The following MICAL2 variants were observed in gnomAD, a reference collection of about 807,000 sequenced individuals.
MICAL2 encodes the protein [F-actin]-monooxygenase MICAL2.
MICAL2 carries 77 observed loss-of-function variants against 127.3 expected under a neutral mutation model. The observed-to-expected ratio is 0.60, with a 90% CI of 0.50 to 0.73. MICAL2 has a LOEUF of 0.73. Ranked by LOEUF, MICAL2 falls within the 30% of genes least tolerant of loss-of-function variation. The probability of loss-of-function intolerance (pLI) is 0.00; values close to 1 mark genes in which losing one functional copy is unlikely to be tolerated. For synonymous variants in MICAL2, 570 were observed against 551.1 expected, an observed-to-expected ratio of 1.03 and a Z score of -0.48; for missense variants, 1,351 against 1,434.4, an observed-to-expected ratio of 0.94 and a Z score of 0.94.
chr11:12,150,880 C>T (rs7943405), intron 2 of MICAL2, among the ~76,000 whole-genome samples: 140,895 of 152,228 alleles, frequency 0.93, 65,715 homozygotes, highest in Non-Finnish European at 0.98. Flanking sequence ...ATTTCTGCCT[C>T]GGTTTGGTTT....
chr11:12,114,326 G>A (rs1294980403), intron 1 of MICAL2, among the ~76,000 whole-genome samples: 3 of 152,296 alleles, frequency 2.0e-5, no homozygotes, highest in Middle Eastern at 3.4e-3. Flanking sequence ...ACTACTGCAC[G>A]TAACAGAATT....
upstream of MICAL2, among the ~76,000 whole-genome samples, chr11:12,272,165 G>A (rs1363984784): frequency 6.6e-6 from 1 of 152,176 alleles, no homozygotes; most frequent in East Asian, 1.9e-4. Context: ...GAGGCGTGGG[G>A]GCTGTGGGTC....
chr11:12,303,706 A>G (rs1049184754), intron 29 of MICAL2: 3 of 152,214 alleles, frequency 2.0e-5, no homozygotes, highest in Admixed American at 6.5e-5. Flanking sequence ...TCTTTTGCCC[A>G]TACTTTTATT....
chr11:12,293,744 G>C (rs1223347813), downstream of MICAL2: 2 of 1,613,948 alleles, frequency 1.2e-6, no homozygotes, highest in Admixed American at 1.7e-5. Flanking sequence ...TGGCCTCTCA[G>C]ACCCTGCAGA....
chr11:12,165,582 C>T (rs1045442882), intron 3 of MICAL2, among the ~76,000 whole-genome samples: 4 of 152,342 alleles, frequency 2.6e-5, no homozygotes, highest in African/African-American at 4.8e-5. Context: ...GCCAGAACCC[C>T]GACCTTTGTG....
chr11:12,241,623 C>T (rs1247777790), intron 18 of MICAL2, among the ~76,000 whole-genome samples: 5 of 152,200 alleles, frequency 3.3e-5, no homozygotes, highest in South Asian at 4.1e-4. Context: ...ACCTGCATAG[C>T]GGGCGGGAAG....
At chr11:12,341,202 A>G (rs1347344650) in intron 32 of MICAL2, among the ~76,000 whole-genome samples, 2 of 152,198 alleles carry the variant, frequency 1.3e-5, no homozygotes, top group African/African-American at 2.4e-5. Context: ...GCACAGTGCT[A>G]TTGAGAGTTC....
chr11:12,127,593 C>G (rs6485494), intron 1 of MICAL2, among the ~76,000 whole-genome samples: 48,806 of 151,938 alleles, frequency 0.32, 8,170 homozygotes, highest in African/African-American at 0.4. Flanking sequence ...GAAGGTTTCA[C>G]TGACTCACCC....
At chr11:12,121,271 G>T (rs1356593234) in intron 1 of MICAL2, among the ~76,000 whole-genome samples, 3 of 152,196 alleles carry the variant, frequency 2.0e-5, no homozygotes, top group African/African-American at 7.2e-5. Flanking sequence ...AATTTGAGGG[G>T]AATAAATAGG....
chr11:12,235,837 A>G (rs1858973659), intron 15 of MICAL2, among the ~76,000 whole-genome samples: 2 of 152,174 alleles, frequency 1.3e-5, no homozygotes, highest in Non-Finnish European at 2.9e-5. Flanking sequence ...GCCACTTTGC[A>G]ATGGAGATCA....
intron 1 of MICAL2, among the ~76,000 whole-genome samples, chr11:12,119,492 C>G (rs1233649357): frequency 6.6e-6 from 1 of 152,170 alleles, no homozygotes; most frequent in Non-Finnish European, 1.5e-5. Context: ...GTTGTAATCT[C>G]TAAAAAAGGT....
At chr11:12,355,527 C>A (rs770632137) in intron 34 of MICAL2, among the ~76,000 whole-genome samples, 24 of 152,204 alleles carry the variant, frequency 1.6e-4, no homozygotes, top group Non-Finnish European at 2.6e-4. Context: ...CATGACCTTC[C>A]CATATTCAGA....
At chr11:12,285,519 C>T (rs755514514) in intron 2 of MICAL2, among the ~76,000 whole-genome samples, 36 of 152,142 alleles carry the variant, frequency 2.4e-4, no homozygotes, top group Non-Finnish European at 4.6e-4. Context: ...GTTCAGCCTA[C>T]GCCCAGGAAT....
At chr11:12,221,792 G>T (rs373116020) in intron 10 of MICAL2, 33 bp downstream of exon 10, 3 of 1,573,298 alleles carry the variant, frequency 1.9e-6, no homozygotes, top group African/African-American at 2.7e-5. Flanking sequence ...CTAACTGGGG[G>T]GCAGGGCACT....
intron 32 of MICAL2, among the ~76,000 whole-genome samples, chr11:12,340,215 C>T (rs1019709624): frequency 6.6e-6 from 1 of 152,102 alleles, no homozygotes; most frequent in Non-Finnish European, 1.5e-5. Flanking sequence ...AAGAAATAGG[C>T]AAACAACCCA....
intron 2 of MICAL2, among the ~76,000 whole-genome samples, chr11:12,143,538 C>A (rs559792594): frequency 6.6e-6 from 1 of 152,042 alleles, no homozygotes; most frequent in Non-Finnish European, 1.5e-5. Flanking sequence ...AGTTTGTGTC[C>A]GTTTTCTGCA....
intron 22 of MICAL2, among the ~76,000 whole-genome samples, chr11:12,252,063 G>T (rs889978239): frequency 6.6e-6 from 1 of 152,160 alleles, no homozygotes; most frequent in Non-Finnish European, 1.5e-5. Flanking sequence ...AAGGGGCTGG[G>T]CAGGCAGTGC....
chr11:12,343,100 A>G (rs375140748), intron 32 of MICAL2, among the ~76,000 whole-genome samples: 1 of 152,118 alleles, frequency 6.6e-6, no homozygotes, highest in Non-Finnish European at 1.5e-5. Flanking sequence ...GCTTTTGACT[A>G]CTGAAGAAAG....
chr11:12,179,555 A>G (rs1000130210), intron 3 of MICAL2, among the ~76,000 whole-genome samples: 1 of 151,918 alleles, frequency 6.6e-6, no homozygotes, highest in Non-Finnish European at 1.5e-5. Flanking sequence ...ATCCTTAGCC[A>G]ATGCCTGCCT....
Sources: allele counts gnomAD v4.1 joint callset (sites outside exome capture counted in the v4.1 genomes callset), GRCh38; gene constraint gnomAD v4.1.1; transcripts MANE v1.5; gene names NCBI Gene and HGNC (gene_info 2026-07-23, HGNC 2026-07-21).